Variants in RGS22 observed in about 807,000 individuals in gnomAD.
RGS22 encodes the protein regulator of G-protein signaling 22.
RGS22 carries 148 observed loss-of-function variants against 172.9 expected under a neutral mutation model. The ratio of observed to expected loss-of-function variants is 0.86; its 90% CI spans 0.75 to 0.98. The LOEUF is 0.98. Among genes scored for constraint, RGS22 ranks in the 50% least tolerant of loss-of-function variants. The pLI is 0.00. For synonymous variants in RGS22, 458 were observed against 480.2 expected, an observed-to-expected ratio of 0.95 and a Z score of 0.60; for missense variants, 1,347 against 1,440.8, an observed-to-expected ratio of 0.93 and a Z score of 1.05.
At chr8:99,989,895 GATAGATAGAT>G (rs1446868437) in intron 20 of RGS22, among the ~76,000 whole-genome samples, 1 of 151,084 alleles carries the variant, frequency 6.6e-6, no homozygotes, top group African/African-American at 2.5e-5. Context: ...TAGATAGATA[GATAGATAGAT>G]ATAGATAGAT....
chr8:100,024,975 C>G (rs1477090895), intron 14 of RGS22, among the ~76,000 whole-genome samples: 1 of 151,182 alleles, frequency 6.6e-6, no homozygotes, highest in Non-Finnish European at 1.5e-5. Flanking sequence ...GTTGGCCTTT[C>G]TGGAAACAAG....
At chr8:100,073,065 CTT>C (rs1811102151) in intron 4 of RGS22, among the ~76,000 whole-genome samples, 1 of 152,152 alleles carries the variant, frequency 6.6e-6, no homozygotes, top group Non-Finnish European at 1.5e-5. Flanking sequence ...CTTACTCACT[CTT>C]GATTCTACTT....
chr8:100,051,446 T>TA (rs1157222796), intron 10 of RGS22, among the ~76,000 whole-genome samples: 33 of 91,544 alleles, frequency 3.6e-4, no homozygotes, highest in Non-Finnish European at 5.5e-4. Context: ...ATATATTTAT[T>TA]TATATTATAT....
At position 100,071,417 on chromosome 8, in the gene RGS22, T is replaced by C. The variant is rs374412614; in HGVS notation, c.546A>G (p.Glu182=). The C allele has an allele frequency of 6.2e-7, 1 of 1,612,854 alleles. No homozygotes were observed. Among genetic ancestry groups the C allele is most frequent in the African/African-American group, 1.3e-5 (1 of 75,004 alleles). The change falls in exon 6 of 28, where the codon GAA becomes GAG. Residue 182 remains glutamate, a synonymous_variant. Transcript: ENST00000360863. ...KPPSLPPPAT[E]EDNLVIMKKF... is the part of the protein sequence containing the mutation. ...TTTTCATAATTACAAGATTATCTTCTTCAGTGGCAGGAGGTGGTAGACTGG... is the reference window on the plus strand; with the variant it reads ...TTTTCATAATTACAAGATTATCTTCCTCAGTGGCAGGAGGTGGTAGACTGG...
chr8:99,961,569 G>C (rs913408099), intron 27 of RGS22, among the ~76,000 whole-genome samples: 1 of 152,178 alleles, frequency 6.6e-6, no homozygotes, highest in Non-Finnish European at 1.5e-5. Flanking sequence ...GGCTTCCCTA[G>C]CCACATGGAA....
intron 14 of RGS22, among the ~76,000 whole-genome samples, chr8:100,010,220 G>T (rs1038168324): frequency 1.3e-5 from 2 of 152,010 alleles, no homozygotes; most frequent in Admixed American, 1.3e-4. Context: ...AGGCACAGTG[G>T]CTCACACCTG....
intron 23 of RGS22, among the ~76,000 whole-genome samples, chr8:99,973,002 A>G (rs1034164774): frequency 2.0e-5 from 3 of 151,098 alleles, no homozygotes; most frequent in Non-Finnish European, 4.4e-5. Context: ...AAAAAAAAAA[A>G]GTCAGGAAAC....
chr8:100,072,075 G>A, intron 5 of RGS22, 70 bp downstream of exon 5: 1 of 894,596 alleles, frequency 1.1e-6, no homozygotes, highest in South Asian at 1.5e-5. Context: ...GCATACAGCT[G>A]TAGTCCTAGC....
intron 9 of RGS22, among the ~76,000 whole-genome samples, chr8:100,059,481 G>A (rs1809924031): frequency 6.6e-6 from 1 of 151,692 alleles, no homozygotes; most frequent in African/African-American, 2.4e-5. Flanking sequence ...AAAAAAGCAG[G>A]AGTAGCTATA....
chr8:100,104,930 T>A (rs1469235148), intron 2 of RGS22, among the ~76,000 whole-genome samples: 1 of 152,238 alleles, frequency 6.6e-6, no homozygotes, highest in Admixed American at 6.5e-5. Flanking sequence ...ATACTTTTAT[T>A]ACTTCACCTC....
At chr8:99,993,918 C>T (rs1379180040) in intron 20 of RGS22, among the ~76,000 whole-genome samples, 3 of 152,142 alleles carry the variant, frequency 2.0e-5, no homozygotes, top group Non-Finnish European at 2.9e-5. Context: ...TTATCCACCA[C>T]GATCAAGTCT....
At position 99,962,727 on chromosome 8, in the gene RGS22, A is replaced by G; in HGVS notation, c.3750T>C (p.Thr1250=). The change falls in exon 26 of 28, where the codon ACT becomes ACC. Residue 1250 remains threonine, a synonymous_variant. Coordinates refer to ENST00000360863, the MANE Select transcript of RGS22 (RefSeq NM_015668.5). ...CAGACATATTCTTTTTCAAAGACAT[A>G]GTTGAAGAGCTAGCCTTAAAATTTG... is the stretch of plus-strand genomic sequence containing the variant. ...PLTNFKASSS[T]MSLKKNMSAH... is the part of the protein sequence containing the mutation. 1 of 1,612,240 alleles carries G rather than the reference A, an allele frequency of 6.2e-7. No individual in the cohort carries two copies. Among genetic ancestry groups the G allele is most frequent in the South Asian group, 1.1e-5 (1 of 90,486 alleles).
At chr8:100,006,190 T>C (rs1815690455) in intron 15 of RGS22, 81 bp from the exon 16 acceptor site, 1 of 1,091,610 alleles carries the variant, frequency 9.2e-7, no homozygotes, top group South Asian at 1.4e-5. Flanking sequence ...CAAATACAGT[T>C]GCCAATAAAG....
intron 16 of RGS22, 143 bp from the exon 17 acceptor site, chr8:100,004,241 A>G: frequency 2.1e-5 from 20 of 964,920 alleles, no homozygotes; most frequent in Non-Finnish European, 2.8e-5. Context: ...AGACTTTAGA[A>G]TCTGGTAAAG....
chr8:99,970,181 C>CA (rs1228300476), intron 23 of RGS22, among the ~76,000 whole-genome samples: 1 of 151,960 alleles, frequency 6.6e-6, no homozygotes, highest in African/African-American at 2.4e-5. Context: ...TCTTTGAAAC[C>CA]AATGAGAACA....
rs116224225 is a variant in RGS22, at chr8:100,007,280, G to C, written c.2361+1095C>G. Among the ~76,000 whole-genome samples the C allele has an allele frequency of 7.2e-3, 1,099 of 152,210 alleles. 12 individuals are homozygous for C. Among genetic ancestry groups the C allele is most frequent in the Middle Eastern group, 0.034 (10 of 294 alleles). The stretch of plus-strand genomic sequence containing the variant: ...CAGAGTTCCGCCTGAAATGACCTCA[G>C]GTACACAGTACATGCATTAACTTAA... On this transcript the variant is annotated intron_variant, in intron 15 of 27. Coordinates refer to ENST00000360863, the MANE Select transcript of RGS22 (RefSeq NM_015668.5).
intron 15 of RGS22, 52 bp from the exon 16 acceptor site, chr8:100,006,161 G>C: frequency 7.0e-7 from 1 of 1,419,532 alleles, no homozygotes; most frequent in Non-Finnish European, 9.8e-7. Flanking sequence ...CAATTTGCTA[G>C]TAACAGTGGG....
intron 7 of RGS22, among the ~76,000 whole-genome samples, chr8:100,064,648 T>C (rs1306782053): frequency 6.6e-6 from 1 of 152,144 alleles, no homozygotes; most frequent in East Asian, 1.9e-4. Flanking sequence ...AAAAATACAT[T>C]ATGTACTTTT....
rs142906759 is a variant in RGS22 at position 100,062,769 on chromosome 8, T to A, written c.1353-17A>T. ...TCAAGATGTCTGAAATAAAACACATTTCCATATATACACACACACATTGGT... is the reference window on the plus strand; with the variant it reads ...TCAAGATGTCTGAAATAAAACACATATCCATATATACACACACACATTGGT... On this transcript the variant is annotated splice_polypyrimidine_tract_variant and intron_variant, in intron 8 of 27. Transcript: ENST00000360863. 541 of 1,581,124 alleles carry A rather than the reference T, an allele frequency of 3.4e-4. 3 individuals carry two copies. The African/African-American group carries it at 5.8e-3, about 17-fold the overall frequency.
Sources: gnomAD v4.1 joint callset for allele counts (sites outside exome capture counted in the v4.1 genomes callset) on GRCh38, gnomAD v4.1.1 for gene constraint, MANE v1.5 for transcripts, NCBI Gene and HGNC (gene_info 2026-07-23, HGNC 2026-07-21) for gene names.